Variants in TOR3A observed in about 807,000 individuals in gnomAD.
TOR3A encodes torsin-3A.
A neutral mutation model predicts 42.1 loss-of-function variants in TOR3A; 44 were observed. That is an observed-to-expected ratio of 1.04 (90% CI 0.82 to 1.34). TOR3A has a LOEUF of 1.34. Among genes scored for constraint, TOR3A ranks in the 40% most tolerant of loss-of-function variants. The pLI is 0.00. For missense variants in TOR3A, 521 were observed against 507.6 expected, an observed-to-expected ratio of 1.03 and a Z score of -0.25; for synonymous variants, 227 against 213.2, an observed-to-expected ratio of 1.06 and a Z score of -0.57.
intron 1 of TOR3A, 151 bp from the exon 2 acceptor site, chr1:179,082,789 T>G (rs766012781): frequency 1.4e-4 from 99 of 716,554 alleles, no homozygotes; most frequent in Non-Finnish European, 2.3e-4. Context: ...ACGCAGGGCT[T>G]GAGGACCGAC....
Position 179,085,555 on chromosome 1 carries a change from C to T in TOR3A, c.374-73C>T, listed in dbSNP as rs79207050. 1.6e-3 allele frequency: 2,557 copies of T among 1,553,170 alleles called. 33 individuals carry two copies. In the African/African-American group the frequency reaches 0.031, roughly 19 times the overall value. Reference sequence around the variant, plus strand: ...AGAGAGATTCAGAGTTGCTTGGTTTCTTGGCTGTTGGCTGTTGTGGTGGAT... The same window carrying T: ...AGAGAGATTCAGAGTTGCTTGGTTTTTTGGCTGTTGGCTGTTGTGGTGGAT... On this transcript the variant is annotated intron_variant, in intron 2 of 5. Transcript: ENST00000367627.
intron 3 of TOR3A, among the ~76,000 whole-genome samples, chr1:179,087,273 A>G (rs1291876504): frequency 6.6e-6 from 1 of 152,176 alleles, no homozygotes. Context: ...TGCAGGAGCC[A>G]AGTTGGATGT....
At chr1:179,082,676 C>A in intron 1 of TOR3A, 1 of 703,534 alleles carries the variant, frequency 1.4e-6, no homozygotes, top group Non-Finnish European at 2.6e-6. Context: ...TGTGCCATCT[C>A]CCAGCCCACC....
Position 179,082,314 on chromosome 1 carries a change from C to A in TOR3A, c.186C>A (p.Tyr62Ter). ...LRAAGALSKRYWTLFSCQVWP... is the reference protein window; with the variant it reads ...LRAAGALSKR ...CGGCGGGTGCCCTCTCCAAGCGGTA[C>A]TGGACGCTCTTCAGCTGCCAGGTGT... Residue 62 changes from tyrosine (Y) to a stop codon, truncating the protein, a stop_gained, in exon 1 of 6, where the codon TAC becomes TAA. Transcript: ENST00000367627. LOFTEE classifies it high-confidence loss of function. The A allele has an allele frequency of 6.2e-7, 1 of 1,602,300 alleles. No individual in the cohort carries two copies.
rs151171133 is a variant in TOR3A, at chr1:179,085,770, C to G, written c.516C>G (p.Gly172=). 401 of 1,614,060 alleles carry G rather than the reference C, an allele frequency of 2.5e-4. 6 individuals carry two copies. Among genetic ancestry groups the G allele is most frequent in the Middle Eastern group, 1.6e-4 (1 of 6,084 alleles). Residue 172 remains glycine (G), a synonymous_variant, in exon 3 of 6, where the codon GGC becomes GGG. Coordinates refer to ENST00000367627, the MANE Select transcript of TOR3A (RefSeq NM_022371.4). The stretch of plus-strand genomic sequence containing the variant: ...CGTTCCACGGCTGGTCTGGCACAGG[C>G]AAGAACTTCGTGGCACGGATGCTGG... ...ALSFHGWSGT[G]KNFVARMLVE...
intron 4 of TOR3A, among the ~76,000 whole-genome samples, chr1:179,088,837 ACAAGT>A (rs1311763241): frequency 6.6e-6 from 1 of 152,202 alleles, no homozygotes; most frequent in African/African-American, 2.4e-5. Flanking sequence ...TGTGTCTGTT[ACAAGT>A]CAAGTTTGGG....
rs879915412 is a variant in TOR3A, at chr1:179,095,404, C to CTTTT, written c.*191_*194dup. 1 of 1,338,390 alleles carries CTTTT rather than the reference C, an allele frequency of 7.5e-7. No individual in the cohort carries two copies. The highest frequency in any genetic ancestry group is 1.6e-5 in the African/African-American group (1 of 64,488). The allele number at this position is 1,338,390 out of a possible 1,614,324, so 82.9% of individuals were successfully genotyped here. ...ATTAGAAGCCAAGCCAATCCTTTTT[C>CTTTT]TTTTTTTTGGAGGTCCCACCGAGAT... On this transcript the variant is annotated 3_prime_UTR_variant, in exon 6 of 6. Transcript: ENST00000367627.
In TOR3A at chr1:179,095,051, G is replaced by A. The variant is rs759251779; in HGVS notation, c.1027G>A (p.Val343Met). 3.3e-5 allele frequency: 54 copies of A among 1,614,074 alleles called. No homozygotes were observed. The highest frequency in any genetic ancestry group is 4.5e-5 in the Non-Finnish European group (53 of 1,180,042). Residue 343 changes from valine (V) to methionine (M), a missense_variant, in exon 6 of 6, where the codon GTG becomes ATG. Transcript: ENST00000367627. Reference sequence around the variant, plus strand: ...CTTCCTGCCTTTGGAGTACCGTCACGTGAGGCTGTGTGCACGGGATGCCTT... The same window carrying A: ...CTTCCTGCCTTTGGAGTACCGTCACATGAGGCTGTGTGCACGGGATGCCTT... ...IPFLPLEYRH[V>M]RLCARDAFLS...
chr1:179,087,112 A>G (rs547984894), intron 3 of TOR3A, among the ~76,000 whole-genome samples: 1 of 152,338 alleles, frequency 6.6e-6, no homozygotes, highest in South Asian at 2.1e-4. Flanking sequence ...TCCCCCACAA[A>G]GGTGCACCCA....
intron 3 of TOR3A, among the ~76,000 whole-genome samples, chr1:179,086,351 T>C (rs1264149777): frequency 2.6e-5 from 4 of 152,348 alleles, no homozygotes; most frequent in Non-Finnish European, 5.9e-5. Flanking sequence ...GAAAGTTGTA[T>C]ATCCTGCCTT....
chr1:179,088,491 G>C (rs1381923981), intron 4 of TOR3A: 1 of 153,414 alleles, frequency 6.5e-6, no homozygotes, highest in South Asian at 2.1e-4. Context: ...CTGGGTGACA[G>C]ATTTTTTGAA....
Position 179,094,969 on chromosome 1 carries a change from C to G in TOR3A, c.945C>G (p.Asp315Glu). 1 of 1,614,198 alleles carries G rather than the reference C, an allele frequency of 6.2e-7. No individual in the cohort carries two copies. Among genetic ancestry groups the G allele is most frequent in the Non-Finnish European group, 8.5e-7 (1 of 1,180,030 alleles). The stretch of plus-strand genomic sequence containing the variant: ...ATGTAACTTTGGTCTTGCTTTCAGA[C>G]AATGGCTTTGGCCACAGCCGTCTTG... Reference protein sequence around the residue: ...HLQAEIVETIDNGFGHSRLVK... With the variant: ...HLQAEIVETIENGFGHSRLVK... The change falls in exon 6 of 6, where the codon GAC becomes GAG. Residue 315 changes from aspartate to glutamate, a missense_variant and splice_region_variant. Transcript: ENST00000367627.
At chr1:179,082,779 A>G in intron 1 of TOR3A, 161 bp from the exon 2 acceptor site, 1 of 711,826 alleles carries the variant, frequency 1.4e-6, no homozygotes, top group Non-Finnish European at 2.5e-6. Flanking sequence ...CTGCTTTTGG[A>G]CGCAGGGCTT....
intron 2 of TOR3A, 185 bp from the exon 3 acceptor site, chr1:179,085,443 A>G (rs762888197): frequency 3.9e-4 from 270 of 700,108 alleles, no homozygotes; most frequent in Non-Finnish European, 5.9e-4. Context: ...AAAAAAAGAA[A>G]GTAGTCCTTG....
chr1:179,094,752 G>A (rs1024251041), intron 5 of TOR3A, among the ~76,000 whole-genome samples: 28 of 152,126 alleles, frequency 1.8e-4, no homozygotes, highest in Non-Finnish European at 2.4e-4. Context: ...GGTGCTGTAC[G>A]CCTGTGGTCC....
chr1:179,087,927 A>T lies in TOR3A; in HGVS notation c.656A>T (p.Gln219Leu). 3.8e-6 allele frequency: 6 copies of T among 1,595,148 alleles called. No homozygotes were observed. The highest frequency in any genetic ancestry group is 4.3e-6 in the Non-Finnish European group (5 of 1,171,078). ...CCCGTGCAGGAGCAGCTGATGAGCC[A>T]GATCCGGGAGACGCAGCAGCTCTGC... ...VDLYKEQLMSQIRETQQLCHQ... is the reference protein window; with the variant it reads ...VDLYKEQLMSLIRETQQLCHQ... The change falls in exon 4 of 6, where the codon CAG becomes CTG. Residue 219 changes from glutamine to leucine, a missense_variant. Physicochemically the swap from Gln to Leu is moderately radical, Grantham distance 113. Transcript: ENST00000367627.
Position 179,095,364 on chromosome 1 carries a change from A to AC in TOR3A, c.*146_*147insC. On this transcript the variant is annotated 3_prime_UTR_variant, in exon 6 of 6. Coordinates refer to ENST00000367627, the MANE Select transcript of TOR3A (RefSeq NM_022371.4). ...CTAACAAACACACAACTGGTGTGTA[A>AC]AAGGCAGGCCTTACATTAGAAGCCA... is the stretch of plus-strand genomic sequence containing the variant. 6.7e-7 allele frequency: 1 copy of AC among 1,502,708 alleles called. No individual in the cohort carries two copies. The allele number at this position is 1,502,708 out of a possible 1,614,324, so 93.1% of individuals were successfully genotyped here. A position where few individuals can be genotyped will look rare whatever the true frequency, so the allele number is the denominator to read the frequency against.
chr1:179,092,446 T>C (rs993678541), intron 4 of TOR3A, among the ~76,000 whole-genome samples: 1 of 152,132 alleles, frequency 6.6e-6, no homozygotes, highest in African/African-American at 2.4e-5. Context: ...CAAGGGAGGC[T>C]AGGCCTAGTG....
intron 4 of TOR3A, among the ~76,000 whole-genome samples, chr1:179,090,112 G>T (rs545034062): frequency 1.4e-4 from 15 of 109,798 alleles, no homozygotes; most frequent in East Asian, 1.3e-3. Context: ...TGGGCGGGGT[G>T]GGGGGGGGGG....
Sources: allele counts gnomAD v4.1 joint callset (sites outside exome capture counted in the v4.1 genomes callset), GRCh38; gene constraint gnomAD v4.1.1; transcripts MANE v1.5; gene names NCBI Gene and HGNC (gene_info 2026-07-23, HGNC 2026-07-21).